Variants in TTC23 observed in about 807,000 individuals in gnomAD.
TTC23 encodes tetratricopeptide repeat domain 23.
TTC23 carries 58 observed loss-of-function variants against 55.1 expected under a neutral mutation model. That is an observed-to-expected ratio of 1.05 (90% CI 0.85 to 1.31). The LOEUF (loss-of-function observed/expected upper bound fraction) is 1.31. TTC23 is among the 50% of genes most tolerant of loss of function. TTC23 has a pLI of 0.00. For missense variants in TTC23, 516 were observed against 534.4 expected, an observed-to-expected ratio of 0.97 and a Z score of 0.34; for synonymous variants, 203 against 199.9, an observed-to-expected ratio of 1.02 and a Z score of -0.13.
chr15:99,194,098 G>A (rs1164706613), intron 9 of TTC23, among the ~76,000 whole-genome samples: 2 of 152,114 alleles, frequency 1.3e-5, no homozygotes, highest in African/African-American at 4.8e-5. Flanking sequence ...GATAGATCTG[G>A]ATTTAGTCAT....
chr15:99,238,393 T>C (rs981935824), intron 3 of TTC23, among the ~76,000 whole-genome samples: 1 of 152,014 alleles, frequency 6.6e-6, no homozygotes, highest in Non-Finnish European at 1.5e-5. Context: ...GGAAAAAAGA[T>C]CAGGTACACA....
intron 11 of TTC23, chr15:99,159,766 G>T (rs1253338155): frequency 6.6e-6 from 1 of 152,310 alleles, no homozygotes; most frequent in Non-Finnish European, 1.5e-5. Flanking sequence ...TGAGTGTTCA[G>T]TGGTCAGATC....
chr15:99,186,385 T>A (rs997663297), intron 9 of TTC23, among the ~76,000 whole-genome samples: 1 of 152,238 alleles, frequency 6.6e-6, no homozygotes, highest in East Asian at 1.9e-4. Context: ...TTTAATAATC[T>A]GCAGTTAGTT....
At chr15:99,158,100 T>C (rs1313749668) in intron 11 of TTC23, 1 of 152,196 alleles carries the variant, frequency 6.6e-6, no homozygotes, top group Non-Finnish European at 1.5e-5. Flanking sequence ...GAGGCAGAAA[T>C]AAATTTCTCA....
At chr15:99,138,957 G>A (rs1468588844) in intron 13 of TTC23, among the ~76,000 whole-genome samples, 2 of 152,174 alleles carry the variant, frequency 1.3e-5, no homozygotes, top group Admixed American at 6.5e-5. Context: ...TGAACCTTCC[G>A]GCTCCAGTCC....
chr15:99,236,985 T>TA (rs1187041927), intron 3 of TTC23, among the ~76,000 whole-genome samples: 1 of 151,188 alleles, frequency 6.6e-6, no homozygotes, highest in African/African-American at 2.4e-5. Flanking sequence ...CTCCTAAGTT[T>TA]TTTTTTTTTT....
intron 8 of TTC23, among the ~76,000 whole-genome samples, chr15:99,212,482 C>G (rs1433359640): frequency 6.6e-6 from 1 of 152,178 alleles, no homozygotes; most frequent in African/African-American, 2.4e-5. Flanking sequence ...TGGATTCACT[C>G]TCCAAAGTTA....
chr15:99,200,037 T>C lies in TTC23; in HGVS notation c.641A>G (p.Glu214Gly). ...EALSHYQAAL[E>G]YVEISKGETS... ...TTCACCTTTACTGATCTCAACATAT[T>C]CCAAAGCTGCTTGATAGTGGGACAA... Residue 214 changes from glutamate (E) to glycine (G), a missense_variant, in exon 9 of 14, where the codon GAA becomes GGA. Coordinates refer to ENST00000394132, the MANE Select transcript of TTC23 (RefSeq NM_001288615.3). 7 of 1,613,726 alleles carry C rather than the reference T, an allele frequency of 4.3e-6. No individual in the cohort carries two copies. The highest frequency in any genetic ancestry group is 5.9e-6 in the Non-Finnish European group (7 of 1,179,792).
intron 8 of TTC23, among the ~76,000 whole-genome samples, chr15:99,207,554 G>A (rs1174477850): frequency 1.3e-5 from 2 of 152,162 alleles, no homozygotes; most frequent in African/African-American, 2.4e-5. Context: ...GAGGTCAGGA[G>A]TTCAAGACCA....
At chr15:99,182,223 ATCTCTCTCTC>A (rs147417590) in intron 9 of TTC23, among the ~76,000 whole-genome samples, 5 of 132,330 alleles carry the variant, frequency 3.8e-5, no homozygotes, top group Non-Finnish European at 7.9e-5. Context: ...TGTTCCAGAA[ATCTCTCTCTC>A]TCTCTCTCTC....
chr15:99,199,458 T>TG (rs2076022166), intron 9 of TTC23, among the ~76,000 whole-genome samples: 2 of 146,058 alleles, frequency 1.4e-5, no homozygotes, highest in African/African-American at 2.5e-5. Flanking sequence ...GTGTGTGTGT[T>TG]TGTGTGTGTG....
intron 8 of TTC23, among the ~76,000 whole-genome samples, chr15:99,201,579 T>C (rs1224259891): frequency 6.6e-6 from 1 of 152,190 alleles, no homozygotes; most frequent in Non-Finnish European, 1.5e-5. Flanking sequence ...GGATCTGTGG[T>C]CCAGATGGCC....
At chr15:99,147,151 G>A (rs1050046737) in intron 12 of TTC23, among the ~76,000 whole-genome samples, 2 of 149,972 alleles carry the variant, frequency 1.3e-5, no homozygotes, top group East Asian at 1.9e-4. Context: ...TTGACAGGTG[G>A]TCCACCCACC....
intron 2 of TTC23, among the ~76,000 whole-genome samples, chr15:99,243,740 T>G (rs764016948): frequency 3.3e-5 from 5 of 152,326 alleles, no homozygotes; most frequent in Non-Finnish European, 5.9e-5. Flanking sequence ...ATTTTGTATG[T>G]TCTCACTCAT....
chr15:99,193,589 T>C (rs1040339886), intron 9 of TTC23, among the ~76,000 whole-genome samples: 1 of 152,224 alleles, frequency 6.6e-6, no homozygotes, highest in Non-Finnish European at 1.5e-5. Context: ...CTCTTTCTTT[T>C]GTAAGTTGCC....
intron 4 of TTC23, among the ~76,000 whole-genome samples, chr15:99,234,336 C>T (rs1179021044): frequency 2.6e-5 from 4 of 152,102 alleles, no homozygotes; most frequent in Non-Finnish European, 4.4e-5. Context: ...GCTCACTATA[C>T]AAATGGGCAA....
At chr15:99,234,364 C>T (rs1309579715) in intron 4 of TTC23, among the ~76,000 whole-genome samples, 7 of 151,766 alleles carry the variant, frequency 4.6e-5, no homozygotes, top group African/African-American at 1.4e-4. Flanking sequence ...ATTTATTTAT[C>T]TATTTATTTA....
In TTC23 at chr15:99,200,004, C is replaced by A. The variant is rs374470211; in HGVS notation, c.674G>T (p.Arg225Leu). ...TTCTCTCAATATGGGTACACACTCA[C>A]GACTTGTTTCACCTTTACTGATCTC... ...YVEISKGETS[R>L]ECVPILRELA... Residue 225 changes from arginine to leucine, a missense_variant, in exon 9 of 14, where the codon CGT (arginine) becomes CTT (leucine). Transcript: ENST00000394132. 6.2e-7 allele frequency: 1 copy of A among 1,614,050 alleles called. No individual in the cohort carries two copies. Among genetic ancestry groups the A allele is most frequent in the Non-Finnish European group, 8.5e-7 (1 of 1,179,994 alleles).
intron 10 of TTC23, among the ~76,000 whole-genome samples, chr15:99,164,498 G>T (rs1341012224): frequency 2.0e-5 from 3 of 152,182 alleles, no homozygotes; most frequent in African/African-American, 7.2e-5. Flanking sequence ...CATAAAGTCT[G>T]TTGGGGAAGA....
Sources: allele counts gnomAD v4.1 joint callset (sites outside exome capture counted in the v4.1 genomes callset), GRCh38; gene constraint gnomAD v4.1.1; transcripts MANE v1.5; gene names NCBI Gene and HGNC (gene_info 2026-07-23, HGNC 2026-07-21).